The following TRAPPC9 variants were observed in gnomAD, a reference collection of about 807,000 sequenced individuals.
TRAPPC9 encodes the protein trafficking protein particle complex subunit 9.
In TRAPPC9, 83 loss-of-function variants were observed where a neutral mutation model predicts 124.0. The ratio of observed to expected loss-of-function variants is 0.67; its 90% CI spans 0.56 to 0.80. The LOEUF (loss-of-function observed/expected upper bound fraction) is 0.80. Ranked by LOEUF, TRAPPC9 falls within the 30% of genes least tolerant of loss-of-function variation. TRAPPC9 has a pLI of 0.00. For synonymous variants in TRAPPC9, 638 were observed against 617.5 expected, an observed-to-expected ratio of 1.03 and a Z score of -0.49; for missense variants, 1,302 against 1,508.3, an observed-to-expected ratio of 0.86 and a Z score of 2.27.
chr8:140,090,867 T>C (rs1179445436), intron 17 of TRAPPC9, among the ~76,000 whole-genome samples: 1 of 152,196 alleles, frequency 6.6e-6, no homozygotes, highest in East Asian at 1.9e-4. Context: ...GGACAGACCA[T>C]TTCTAGGCCA....
In TRAPPC9 at chr8:139,800,875, C is replaced by T. The variant is rs115946590; in HGVS notation, c.3056-68673G>A. The stretch of plus-strand genomic sequence containing the variant: ...CTTCCCTCCCTCCGGTATCTCCCTC[C>T]CTCTGGTATCTTCCCGCCCTCCGGT... On this transcript the variant is annotated intron_variant, in intron 21 of 22. Coordinates refer to ENST00000438773, the MANE Select transcript of TRAPPC9 (RefSeq NM_001160372.4). Among the ~76,000 whole-genome samples the T allele has an allele frequency of 4.1e-3, 618 of 149,708 alleles. 5 individuals carry two copies. Among genetic ancestry groups the T allele is most frequent in the African/African-American group, 0.014 (577 of 40,438 alleles).
chr8:140,204,057 G>A (rs917251425), intron 17 of TRAPPC9, among the ~76,000 whole-genome samples: 4 of 152,128 alleles, frequency 2.6e-5, no homozygotes, highest in Admixed American at 6.5e-5. Context: ...TCCAATGTTG[G>A]AGGTGGTTCT....
intron 9 of TRAPPC9, among the ~76,000 whole-genome samples, chr8:140,322,147 G>A (rs984996606): frequency 6.6e-6 from 1 of 152,182 alleles, no homozygotes; most frequent in Non-Finnish European, 1.5e-5. Flanking sequence ...GGAGATCAGA[G>A]AAAACTCCCC....
intron 21 of TRAPPC9, among the ~76,000 whole-genome samples, chr8:139,835,466 G>A (rs570567442): frequency 3.9e-5 from 6 of 152,312 alleles, no homozygotes; most frequent in East Asian, 1.9e-4. Flanking sequence ...GCGCACGTTC[G>A]CCCGTGCTGT....
At chr8:140,306,407 T>C (rs1282109383) in intron 10 of TRAPPC9, among the ~76,000 whole-genome samples, 1 of 150,408 alleles carries the variant, frequency 6.6e-6, no homozygotes, top group Non-Finnish European at 1.5e-5. Flanking sequence ...GCAGTAGAAT[T>C]GCTTGAACCT....
Position 139,825,124 on chromosome 8 carries a change from G to A in TRAPPC9, c.3055+60755C>T, listed in dbSNP as rs1031839077. Among the ~76,000 whole-genome samples, 2 of 152,136 alleles carry A rather than the reference G, an allele frequency of 1.3e-5. No homozygotes were observed. Among genetic ancestry groups the A allele is most frequent in the African/African-American group, 2.4e-5 (1 of 41,426 alleles). The stretch of plus-strand genomic sequence containing the variant: ...ATGACCCGGGCCCTGGACGTGGGAC[G>A]TGGGCTGCGGGACTACAGGATTACA... On this transcript the variant is annotated intron_variant, in intron 21 of 22. Coordinates refer to ENST00000438773, the MANE Select transcript of TRAPPC9 (RefSeq NM_001160372.4). This position sits in a 1 kb window ranked among gnomAD's most constrained non-coding sequence, Gnocchi z 4.6.
chr8:139,922,764 G>A (rs1364196387), intron 19 of TRAPPC9, among the ~76,000 whole-genome samples: 3 of 152,184 alleles, frequency 2.0e-5, no homozygotes, highest in Non-Finnish European at 4.4e-5. Context: ...CTCACACAGA[G>A]GCAGGCGAGA....
chr8:140,000,531 T>C (rs1838321988), intron 18 of TRAPPC9, among the ~76,000 whole-genome samples: 1 of 152,000 alleles, frequency 6.6e-6, no homozygotes, highest in African/African-American at 2.4e-5. Flanking sequence ...TAAACAAATT[T>C]ACAAGAAAAA....
chr8:139,768,803 C>T (rs906965239), intron 21 of TRAPPC9, among the ~76,000 whole-genome samples: 6 of 152,184 alleles, frequency 3.9e-5, no homozygotes, highest in African/African-American at 1.4e-4. Context: ...CATGTTGAAG[C>T]CCTAAAGCCC....
chr8:140,380,730 T>A (rs1387643570), intron 7 of TRAPPC9, among the ~76,000 whole-genome samples: 1 of 147,156 alleles, frequency 6.8e-6, no homozygotes, highest in Non-Finnish European at 1.5e-5. Context: ...TAACTCAAAA[T>A]GGGTCACAGA....
intron 20 of TRAPPC9, among the ~76,000 whole-genome samples, chr8:139,893,231 T>G (rs749540498): frequency 6.6e-6 from 1 of 152,216 alleles, no homozygotes; most frequent in Non-Finnish European, 1.5e-5. Flanking sequence ...TCTGTTTTCA[T>G]AGTGGACTTG....
intron 17 of TRAPPC9, among the ~76,000 whole-genome samples, chr8:140,034,016 A>G (rs1840722657): frequency 6.6e-6 from 1 of 152,150 alleles, no homozygotes; most frequent in South Asian, 2.1e-4. Flanking sequence ...TCACATCTGT[A>G]AGATCTATAG....
At chr8:140,322,627 A>T (rs2066625142) in intron 9 of TRAPPC9, among the ~76,000 whole-genome samples, 1 of 151,948 alleles carries the variant, frequency 6.6e-6, no homozygotes, top group Non-Finnish European at 1.5e-5. Flanking sequence ...CAGGAGTTCA[A>T]GGCCAACCTG....
intron 17 of TRAPPC9, among the ~76,000 whole-genome samples, chr8:140,108,766 G>A (rs1279785904): frequency 6.6e-6 from 1 of 152,188 alleles, no homozygotes; most frequent in African/African-American, 2.4e-5. Flanking sequence ...GGAATTAACT[G>A]GCCAGATGTT....
At chr8:139,935,989 T>G (rs1482109541) in intron 19 of TRAPPC9, among the ~76,000 whole-genome samples, 6 of 152,194 alleles carry the variant, frequency 3.9e-5, no homozygotes, top group Non-Finnish European at 8.8e-5. Context: ...GCCTGCACCA[T>G]GTGGGGAGGG....
At chr8:140,417,984 T>C (rs1443750961) in intron 5 of TRAPPC9, among the ~76,000 whole-genome samples, 1 of 152,162 alleles carries the variant, frequency 6.6e-6, no homozygotes, top group Non-Finnish European at 1.5e-5. Context: ...CACCACATGT[T>C]CTCACTCATA....
chr8:140,189,392 A>G (rs2062429552), intron 17 of TRAPPC9, among the ~76,000 whole-genome samples: 1 of 152,230 alleles, frequency 6.6e-6, no homozygotes, highest in African/African-American at 2.4e-5. Context: ...AAGTGTTATC[A>G]CTGGGAAAAA....
intron 17 of TRAPPC9, among the ~76,000 whole-genome samples, chr8:140,062,764 A>G (rs1013433652): frequency 1.3e-5 from 2 of 152,262 alleles, no homozygotes; most frequent in Admixed American, 1.3e-4. Flanking sequence ...CACCTGGCAC[A>G]TGGTGGCACT....
rs370509114 is a variant in TRAPPC9 at position 139,795,217 on chromosome 8, C to T, written c.3056-63015G>A. Among the ~76,000 whole-genome samples the T allele has an allele frequency of 9.9e-5, 15 of 152,276 alleles. No homozygotes were observed. In the East Asian group the frequency reaches 1.5e-3, roughly 16 times the overall value. Reference sequence around the variant, plus strand: ...AGGTGTCCTGGCTCCAGCACAGAGCCTGTTCTTCTCTGCAAGGTTTGCATT... The same window carrying T: ...AGGTGTCCTGGCTCCAGCACAGAGCTTGTTCTTCTCTGCAAGGTTTGCATT... On this transcript the variant is annotated intron_variant, in intron 21 of 22. Transcript: ENST00000438773.
Sources: gnomAD v4.1 joint callset for allele counts (sites outside exome capture counted in the v4.1 genomes callset) on GRCh38, gnomAD v4.1.1 for gene constraint, Gnocchi (gnomAD v3.1) non-coding constraint, MANE v1.5 for transcripts, NCBI Gene and HGNC (gene_info 2026-07-23, HGNC 2026-07-21) for gene names.